NKAIN2: variants seen among roughly 807,000 people sequenced by gnomAD.
The protein encoded by NKAIN2 is sodium/potassium-transporting ATPase subunit beta-1-interacting protein 2.
A neutral mutation model predicts 32.6 loss-of-function variants in NKAIN2; 14 were observed. The observed-to-expected ratio is 0.43, with a 90% CI of 0.28 to 0.67. The LOEUF is 0.67. NKAIN2 is among the 30% of genes least tolerant of loss of function. NKAIN2 has a pLI of 0.17. For synonymous variants in NKAIN2, 80 were observed against 87.2 expected (o/e 0.92, Z 0.46); for missense variants, 198 against 258.3 (o/e 0.77, Z 1.60).
chr6:124,516,327 T>C (rs1214656368), intron 3 of NKAIN2, among the ~76,000 whole-genome samples: 4 of 152,272 alleles, frequency 2.6e-5, no homozygotes, highest in African/African-American at 9.6e-5. Context: ...GGGTAGAACA[T>C]ATCAATTAGT....
At chr6:124,167,115 G>C (rs1788590767) in intron 1 of NKAIN2, among the ~76,000 whole-genome samples, 1 of 143,026 alleles carries the variant, frequency 7.0e-6, no homozygotes, top group African/African-American at 2.6e-5. Context: ...GGGCAGTATG[G>C]CCATTTTCAC....
At chr6:124,765,423 G>T (rs1778469243) in intron 4 of NKAIN2, among the ~76,000 whole-genome samples, 1 of 152,186 alleles carries the variant, frequency 6.6e-6, no homozygotes, top group Non-Finnish European at 1.5e-5. Context: ...GCTCTGTTCA[G>T]TCCCTGGTTT....
intron 1 of NKAIN2, among the ~76,000 whole-genome samples, chr6:124,193,708 C>T (rs1369274005): frequency 6.6e-6 from 1 of 152,066 alleles, no homozygotes; most frequent in African/African-American, 2.4e-5. Context: ...ACGAGGTATG[C>T]AGACAAGTGG....
chr6:124,238,237 T>C (rs1295266531), intron 1 of NKAIN2, among the ~76,000 whole-genome samples: 1 of 151,894 alleles, frequency 6.6e-6, no homozygotes, highest in Non-Finnish European at 1.5e-5. Flanking sequence ...TGAGACAAAA[T>C]TGAGAGACGG....
intron 4 of NKAIN2, among the ~76,000 whole-genome samples, chr6:124,714,492 C>G (rs1775656368): frequency 6.6e-6 from 1 of 152,118 alleles, no homozygotes; most frequent in South Asian, 2.1e-4. Context: ...TGGTGAAAAG[C>G]CTTTTGTCTA....
At chr6:124,185,760 CTGTT>C (rs1200535502) in intron 1 of NKAIN2, among the ~76,000 whole-genome samples, 14 of 152,064 alleles carry the variant, frequency 9.2e-5, no homozygotes, top group African/African-American at 3.4e-4. Context: ...TTAAACACAT[CTGTT>C]TGTTTATTGA....
chr6:123,959,957 G>A (rs1438848934), intron 1 of NKAIN2, among the ~76,000 whole-genome samples: 1 of 147,566 alleles, frequency 6.8e-6, no homozygotes, highest in Non-Finnish European at 1.5e-5. Flanking sequence ...GTGTGTGTGT[G>A]TGTGTGTGTG....
At chr6:124,782,717 C>A (rs1215619191) in intron 4 of NKAIN2, among the ~76,000 whole-genome samples, 2 of 151,928 alleles carry the variant, frequency 1.3e-5, no homozygotes, top group African/African-American at 4.8e-5. Context: ...CATTTGCTCC[C>A]CAAAGAGCTA....
intron 1 of NKAIN2, among the ~76,000 whole-genome samples, chr6:124,276,158 T>C (rs1020752427): frequency 1.3e-5 from 2 of 152,148 alleles, no homozygotes; most frequent in African/African-American, 4.8e-5. Flanking sequence ...TTAATTTTTT[T>C]GGTTTTGTTT....
intron 3 of NKAIN2, among the ~76,000 whole-genome samples, chr6:124,407,754 C>A (rs190979907): frequency 2.0e-4 from 30 of 151,626 alleles, no homozygotes; most frequent in African/African-American, 7.2e-4. Context: ...AGTTCTAGAT[C>A]CCTGAGGAAT....
At chr6:123,839,321 A>T (rs1437600004) in intron 1 of NKAIN2, among the ~76,000 whole-genome samples, 1 of 152,144 alleles carries the variant, frequency 6.6e-6, no homozygotes, top group Non-Finnish European at 1.5e-5. Context: ...TAAGAAAAAT[A>T]CTGTAAAGTT....
chr6:124,021,270 G>C (rs965600607), intron 1 of NKAIN2, among the ~76,000 whole-genome samples: 3 of 152,022 alleles, frequency 2.0e-5, no homozygotes, highest in East Asian at 1.9e-4. Context: ...GTATATGTGT[G>C]TGTCAAACAG....
intron 3 of NKAIN2, among the ~76,000 whole-genome samples, chr6:124,366,850 C>T (rs146519170): frequency 0.017 from 2,556 of 151,558 alleles, 76 homozygotes; most frequent in East Asian, 0.11. Context: ...ATCACTTAAG[C>T]CCAGGAGGTA....
At chr6:124,597,620 T>C (rs1001146619) in intron 3 of NKAIN2, among the ~76,000 whole-genome samples, 2 of 152,084 alleles carry the variant, frequency 1.3e-5, no homozygotes, top group African/African-American at 4.8e-5. Flanking sequence ...AACATGTTAG[T>C]GTGTTGACAT....
chr6:124,804,850 C>A (rs1054101026), intron 5 of NKAIN2, among the ~76,000 whole-genome samples: 5 of 152,206 alleles, frequency 3.3e-5, no homozygotes, highest in East Asian at 3.9e-4. Context: ...TATGCTGCAC[C>A]TGGCTCCGAG....
chr6:124,321,489 G>C (rs1240333495), intron 2 of NKAIN2, among the ~76,000 whole-genome samples: 1 of 152,048 alleles, frequency 6.6e-6, no homozygotes. Flanking sequence ...AAAGAGTTTT[G>C]CTAAGTCATA....
intron 1 of NKAIN2, among the ~76,000 whole-genome samples, chr6:123,911,812 T>TATACACACAC (rs1331943561): frequency 2.4e-5 from 2 of 85,014 alleles, no homozygotes; most frequent in African/African-American, 9.2e-5. Context: ...TATATATATA[T>TATACACACAC]ACACACACAC....
intron 1 of NKAIN2, among the ~76,000 whole-genome samples, chr6:123,880,755 A>C (rs1773415903): frequency 6.6e-6 from 1 of 152,200 alleles, no homozygotes; most frequent in African/African-American, 2.4e-5. Flanking sequence ...GGTGTAATGC[A>C]AGGTTGAAGT....
chr6:124,655,010 TA>T (rs1167447701), intron 3 of NKAIN2, among the ~76,000 whole-genome samples: 1 of 152,150 alleles, frequency 6.6e-6, no homozygotes, highest in African/African-American at 2.4e-5. Context: ...AAAGAGGAGC[TA>T]AAGATGGCTC....
Sources: allele counts gnomAD v4.1 joint callset (sites outside exome capture counted in the v4.1 genomes callset), GRCh38; gene constraint gnomAD v4.1.1; transcripts MANE v1.5; gene names NCBI Gene and HGNC (gene_info 2026-07-23, HGNC 2026-07-21).